Variants in TAFA1 observed in about 807,000 individuals in gnomAD.
TAFA1 encodes the protein TAFA chemokine like family member 1, also known as chemokine-like protein TAFA-1.
Under a neutral mutation model 18.5 loss-of-function variants are expected in TAFA1, and 4 were observed. The observed-to-expected ratio is 0.22, with a 90% confidence interval of 0.11 to 0.49. The LOEUF (loss-of-function observed/expected upper bound fraction) is 0.49. Ranked by LOEUF, TAFA1 falls within the 20% of genes least tolerant of loss-of-function variation. TAFA1 has a pLI of 0.98. For synonymous variants in TAFA1, 56 were observed against 55.2 expected (o/e 1.01, Z -0.06); for missense variants, 147 against 169.0 (o/e 0.87, Z 0.72).
chr3:68,264,348 A>C (rs1421118846), intron 2 of TAFA1, among the ~76,000 whole-genome samples: 1 of 152,216 alleles, frequency 6.6e-6, no homozygotes, highest in Non-Finnish European at 1.5e-5. Flanking sequence ...TATTGGGCAC[A>C]CAGATTATTG....
At chr3:68,238,993 A>G (rs142034769) in intron 2 of TAFA1, among the ~76,000 whole-genome samples, 5 of 152,288 alleles carry the variant, frequency 3.3e-5, no homozygotes, top group African/African-American at 1.2e-4. Flanking sequence ...TACTTGGGCT[A>G]ATTTCTAAAC....
intron 2 of TAFA1, among the ~76,000 whole-genome samples, chr3:68,054,014 A>T (rs966294767): frequency 2.0e-5 from 3 of 152,150 alleles, no homozygotes; most frequent in African/African-American, 7.2e-5. Context: ...CTACTTTTAC[A>T]TTTTAAAAAG....
chr3:68,377,683 T>A (rs1471879941), intron 2 of TAFA1, among the ~76,000 whole-genome samples: 1 of 152,140 alleles, frequency 6.6e-6, no homozygotes, highest in East Asian at 1.9e-4. Context: ...ATGTCAGAGA[T>A]CTTAGCAGTA....
intron 2 of TAFA1, among the ~76,000 whole-genome samples, chr3:68,333,502 C>CA: frequency 6.6e-6 from 1 of 152,072 alleles, no homozygotes; most frequent in East Asian, 1.9e-4. Flanking sequence ...GGAGGGTGAT[C>CA]AAAAAACTAT....
At chr3:68,100,439 A>C (rs949222225) in intron 2 of TAFA1, among the ~76,000 whole-genome samples, 1 of 152,034 alleles carries the variant, frequency 6.6e-6, no homozygotes, top group African/African-American at 2.4e-5. Context: ...GGCCAAGAGC[A>C]CTCCAGCCTG....
intron 2 of TAFA1, among the ~76,000 whole-genome samples, chr3:68,152,861 C>T (rs2065822939): frequency 1.3e-5 from 2 of 151,996 alleles, no homozygotes; most frequent in East Asian, 3.9e-4. Flanking sequence ...TAACTCCTCT[C>T]CGAACCAAGC....
At chr3:68,458,898 T>A (rs115269436) in intron 3 of TAFA1, among the ~76,000 whole-genome samples, 3,179 of 152,242 alleles carry the variant, frequency 0.021, 50 homozygotes, top group East Asian at 0.037. Context: ...AAACAGACTC[T>A]AAAACAGATT....
chr3:68,149,568 G>A lies in TAFA1; in HGVS notation c.118+142824G>A, dbSNP rs117617857. Among the ~76,000 whole-genome samples the A allele has an allele frequency of 4.6e-3, 698 of 152,236 alleles. 28 individuals are homozygous for A. The East Asian group carries it at 0.09, about 20-fold the overall frequency. On this transcript the variant is annotated intron_variant, in intron 2 of 4. Transcript: ENST00000478136. ...TGGCAAGAGAGGAAGTAAGAGAGAG[G>A]GGTGTCAGGCTGTAGTTTACAGCCA...
At chr3:68,494,900 G>C (rs1288859577) in intron 3 of TAFA1, among the ~76,000 whole-genome samples, 1 of 152,122 alleles carries the variant, frequency 6.6e-6, no homozygotes, top group Non-Finnish European at 1.5e-5. Context: ...AACTTGGCTT[G>C]GATTCCATAG....
intron 2 of TAFA1, among the ~76,000 whole-genome samples, chr3:68,065,740 GTA>G (rs60396289): frequency 0.065 from 8,704 of 133,146 alleles, 284 homozygotes; most frequent in Middle Eastern, 0.099. Flanking sequence ...GTGTGTGTGT[GTA>G]TATATATATA....
At chr3:68,389,406 A>G (rs1325879933) in intron 2 of TAFA1, among the ~76,000 whole-genome samples, 1 of 152,186 alleles carries the variant, frequency 6.6e-6, no homozygotes, top group Non-Finnish European at 1.5e-5. Context: ...TGAATAAGGC[A>G]TTTAATATCT....
At chr3:68,316,222 T>A (rs184784766) in intron 2 of TAFA1, among the ~76,000 whole-genome samples, 71 of 152,330 alleles carry the variant, frequency 4.7e-4, no homozygotes, top group African/African-American at 1.7e-3. Context: ...CTGCCTGAGT[T>A]GTGAAGTTGA....
At chr3:68,292,265 A>C (rs1167833385) in intron 2 of TAFA1, among the ~76,000 whole-genome samples, 5 of 151,896 alleles carry the variant, frequency 3.3e-5, no homozygotes, top group African/African-American at 1.2e-4. Context: ...CTTTTCCCAG[A>C]CCATCTTCTT....
intron 3 of TAFA1, among the ~76,000 whole-genome samples, chr3:68,422,035 C>G (rs9842711): frequency 0.42 from 63,872 of 151,812 alleles, 14,032 homozygotes; most frequent in Non-Finnish European, 0.46. Flanking sequence ...TGCCCAGGGA[C>G]TATTACTACA....
chr3:68,378,693 C>T (rs894200289), intron 2 of TAFA1, among the ~76,000 whole-genome samples: 1 of 152,112 alleles, frequency 6.6e-6, no homozygotes, highest in African/African-American at 2.4e-5. Context: ...CAAATCTCAT[C>T]TCAAATTGTA....
chr3:68,218,900 A>T (rs1193108367), intron 2 of TAFA1, among the ~76,000 whole-genome samples: 1 of 152,228 alleles, frequency 6.6e-6, no homozygotes, highest in Non-Finnish European at 1.5e-5. Flanking sequence ...CGTGACCATC[A>T]CAAATGTAAC....
At chr3:68,453,637 G>A (rs1434126669) in intron 3 of TAFA1, among the ~76,000 whole-genome samples, 2 of 152,178 alleles carry the variant, frequency 1.3e-5, no homozygotes, top group South Asian at 2.1e-4. Flanking sequence ...TTGGCAATGG[G>A]CAACAGATTC....
intron 2 of TAFA1, among the ~76,000 whole-genome samples, chr3:68,343,906 T>C (rs1033275976): frequency 6.6e-6 from 1 of 152,212 alleles, no homozygotes; most frequent in Admixed American, 6.5e-5. Flanking sequence ...TGATATGTCA[T>C]GATCTCGGCT....
At chr3:68,214,155 C>G (rs967428167) in intron 2 of TAFA1, among the ~76,000 whole-genome samples, 1 of 152,086 alleles carries the variant, frequency 6.6e-6, no homozygotes, top group African/African-American at 2.4e-5. Context: ...GGATATTGGT[C>G]TTTTCCTTGA....
Sources: allele counts gnomAD v4.1 joint callset (sites outside exome capture counted in the v4.1 genomes callset), GRCh38; gene constraint gnomAD v4.1.1; transcripts MANE v1.5; gene names NCBI Gene and HGNC (gene_info 2026-07-23, HGNC 2026-07-21).